The following EGLN1 variants were observed in gnomAD, a reference collection of about 807,000 sequenced individuals.
EGLN1 encodes egl-9 family hypoxia inducible factor 1.
A neutral mutation model predicts 38.3 loss-of-function variants in EGLN1; 17 were observed. The observed-to-expected ratio is 0.44, with a 90% CI of 0.30 to 0.67. The LOEUF is 0.67. Among genes scored for constraint, EGLN1 ranks in the 30% least tolerant of loss-of-function variants. EGLN1 has a pLI of 0.08. For synonymous variants in EGLN1, 283 were observed against 257.5 expected (o/e 1.10, Z -0.95); for missense variants, 477 against 603.3 (o/e 0.79, Z 2.19).
intron 1 of EGLN1, among the ~76,000 whole-genome samples, chr1:231,394,787 C>T (rs969280303): frequency 4.6e-5 from 7 of 152,102 alleles, no homozygotes; most frequent in Non-Finnish European, 8.8e-5. Flanking sequence ...TTTTCACCCC[C>T]AGATTTCTAA....
At chr1:231,411,220 T>C (rs2102936722) in intron 1 of EGLN1, among the ~76,000 whole-genome samples, 1 of 152,192 alleles carries the variant, frequency 6.6e-6, no homozygotes, top group South Asian at 2.1e-4. Flanking sequence ...TGATAGTGAG[T>C]TCTCATGAGA....
Position 231,421,723 on chromosome 1 carries a change from G to A in EGLN1, c.166C>T (p.Leu56Phe), listed in dbSNP as rs758090254. The A allele has an allele frequency of 6.5e-7, 1 of 1,531,956 alleles. No individual in the cohort carries two copies. The allele number at this position is 1,531,956 out of a possible 1,614,324, so 94.9% of individuals were successfully genotyped here. A position where few individuals can be genotyped will look rare whatever the true frequency, so the allele number is the denominator to read the frequency against. The change falls in exon 1 of 5, where the codon CTC becomes TTC. Residue 56 changes from leucine (L) to phenylalanine (F), a missense_variant. Leu to Phe is a conservative substitution (Grantham distance 22, BLOSUM62 0). Around this residue, in one of 4 missense-constraint regions of EGLN1, gnomAD observed 298 missense variants for 288.9 expected, o/e 1.03. Transcript: ENST00000366641. The surrounding 1 kb of genome is among the most constrained non-coding windows in gnomAD (Gnocchi z 5.5). ...GCGCCCTCGCTGCCCTGGCACACGA[G>A]CTTGTGCTTCTTCCAGTCCTGACGC... ...HQRQDWKKHK[L>F]VCQGSEGALG...
At chr1:231,395,453 GA>G (rs1194893522) in intron 1 of EGLN1, among the ~76,000 whole-genome samples, 1 of 152,170 alleles carries the variant, frequency 6.6e-6, no homozygotes. Flanking sequence ...CTAAAAACTG[GA>G]TGCCTGTTGG....
chr1:231,366,513 C>T lies in EGLN1; in HGVS notation c.1217-38G>A, dbSNP rs201749203. The T allele has an allele frequency of 1.6e-5, 25 of 1,592,488 alleles. No individual in the cohort carries two copies. The African/African-American group carries it at 2.7e-4, about 17-fold the overall frequency. On this transcript the variant is annotated intron_variant, in intron 4 of 4. Transcript: ENST00000366641. ...AAAAAAAAAAATTTTCATTCATTCA[C>T]TAAGCACCAGAGAGCTTCTGCTACT...
chr1:231,421,395 G>T lies in EGLN1; in HGVS notation c.494C>A (p.Pro165Gln), dbSNP rs780171999. The change falls in exon 1 of 5, where the codon CCA becomes CAA. Residue 165 changes from proline (P) to glutamine (Q), a missense_variant. Around this residue, in one of 4 missense-constraint regions of EGLN1, gnomAD observed 298 missense variants for 288.9 expected, o/e 1.03. Coordinates refer to ENST00000366641, the MANE Select transcript of EGLN1 (RefSeq NM_022051.3). This position sits in a 1 kb window ranked among gnomAD's most constrained non-coding sequence, Gnocchi z 5.5. ...CAGCGCATCCCCGGGCGTGTTGCTT[G>T]GGGGGTACAGGTTCGCCTTCTCCTG... Reference protein sequence around the residue: ...LFQEKANLYPPSNTPGDALSP... With the variant: ...LFQEKANLYPQSNTPGDALSP... 1.2e-6 allele frequency: 2 copies of T among 1,603,486 alleles called. No homozygotes were observed. Among genetic ancestry groups the T allele is most frequent in the African/African-American group, 1.3e-5 (1 of 74,570 alleles).
chr1:231,363,825 G>C lies in EGLN1; in HGVS notation c.*2586C>G, dbSNP rs1382053298. On this transcript the variant is annotated 3_prime_UTR_variant, in exon 5 of 5. Coordinates refer to ENST00000366641, the MANE Select transcript of EGLN1 (RefSeq NM_022051.3). ...AGCAACTTGAGAGCTCTTTCATAATGAAACACTGCTTTTCAAATTACATGA... is the reference window on the plus strand; with the variant it reads ...AGCAACTTGAGAGCTCTTTCATAATCAAACACTGCTTTTCAAATTACATGA... 6.6e-6 allele frequency: 1 copy of C among 152,142 alleles called. No homozygotes were observed. Among genetic ancestry groups the C allele is most frequent in the Non-Finnish European group, 1.5e-5 (1 of 68,018 alleles). The allele number at this position is 152,142 out of a possible 1,614,324, so 9.4% of individuals were successfully genotyped here.
At chr1:231,383,995 A>G in intron 1 of EGLN1, among the ~76,000 whole-genome samples, 1 of 152,140 alleles carries the variant, frequency 6.6e-6, no homozygotes, top group Middle Eastern at 3.2e-3. Flanking sequence ...TACAAACATC[A>G]CTCAATCTAC....
At chr1:231,419,043 C>T (rs1472322849) in intron 1 of EGLN1, among the ~76,000 whole-genome samples, 3 of 152,126 alleles carry the variant, frequency 2.0e-5, no homozygotes, top group Non-Finnish European at 4.4e-5. Context: ...TTACCAAAAC[C>T]TCTTTCAGCC....
rs137989090 is a variant in EGLN1 at position 231,384,594 on chromosome 1, G to A, written c.892-10495C>T. Among the ~76,000 whole-genome samples the A allele has an allele frequency of 4.5e-3, 684 of 152,308 alleles. 4 individuals carry two copies. The highest frequency in any genetic ancestry group is 0.044 in the Middle Eastern group (13 of 294). On this transcript the variant is annotated intron_variant, in intron 1 of 4. Coordinates refer to ENST00000366641, the MANE Select transcript of EGLN1 (RefSeq NM_022051.3). ...ATCTGAGGAAAAAGAGGGTCAGTGT[G>A]ACTGGAGAGGAGGGAGGAAAGCAGA...
chr1:231,411,902 G>C (rs1007744791), intron 1 of EGLN1, among the ~76,000 whole-genome samples: 2 of 151,434 alleles, frequency 1.3e-5, no homozygotes, highest in Non-Finnish European at 2.9e-5. Flanking sequence ...AGGAGGCTGA[G>C]GGAGGAGAAT....
In EGLN1 at chr1:231,383,012, C is replaced by T. The variant is rs1444543244; in HGVS notation, c.892-8913G>A. ...GGTGGAGGGTGCAGTGAGCCGACAT[C>T]GCACCACTGCATTCCAGCCTGGGCA... On this transcript the variant is annotated intron_variant, in intron 1 of 4. Coordinates refer to ENST00000366641, the MANE Select transcript of EGLN1 (RefSeq NM_022051.3). Among the ~76,000 whole-genome samples, 10 of 139,812 alleles carry T rather than the reference C, an allele frequency of 7.2e-5. No individual in the cohort carries two copies. In the East Asian group the frequency reaches 1.7e-3, roughly 24 times the overall value. The allele number at this position is 139,812 out of a possible 152,430, so 91.7% of individuals were successfully genotyped here.
At chr1:231,405,116 A>G (rs1688753296) in intron 1 of EGLN1, among the ~76,000 whole-genome samples, 1 of 152,182 alleles carries the variant, frequency 6.6e-6, no homozygotes, top group Non-Finnish European at 1.5e-5. Context: ...GGCAACTAAG[A>G]CCAAGTCCTA....
Position 231,389,575 on chromosome 1 carries a change from G to A in EGLN1, c.892-15476C>T, listed in dbSNP as rs575465189. Reference sequence around the variant, plus strand: ...AGATAAATATACCACATCTTATGTAGCACCTTCTAGTTTGTAAAACTGCTT... The same window carrying A: ...AGATAAATATACCACATCTTATGTAACACCTTCTAGTTTGTAAAACTGCTT... On this transcript the variant is annotated intron_variant, in intron 1 of 4. Transcript: ENST00000366641. 3.9e-5 allele frequency among the ~76,000 whole-genome samples: 6 copies of A among 152,282 alleles called. No homozygotes were observed. In the South Asian group the frequency reaches 1.2e-3, roughly 32 times the overall value.
chr1:231,369,352 T>C (rs1190689268), intron 3 of EGLN1, among the ~76,000 whole-genome samples: 1 of 152,194 alleles, frequency 6.6e-6, no homozygotes, highest in Non-Finnish European at 1.5e-5. Context: ...AAGTATCTGT[T>C]ATTTATTCAT....
intron 1 of EGLN1, among the ~76,000 whole-genome samples, chr1:231,396,633 C>A (rs1441433835): frequency 1.3e-5 from 2 of 152,174 alleles, no homozygotes; most frequent in Admixed American, 6.5e-5. Flanking sequence ...CTCATGCCCA[C>A]CCCAGTAAGT....
intron 1 of EGLN1, among the ~76,000 whole-genome samples, chr1:231,408,056 C>T (rs1203667248): frequency 6.6e-6 from 1 of 152,150 alleles, no homozygotes; most frequent in Non-Finnish European, 1.5e-5. Context: ...AATAAAAGTC[C>T]TCTGCCGAAG....
At chr1:231,388,519 C>A (rs1688283270) in intron 1 of EGLN1, among the ~76,000 whole-genome samples, 1 of 151,378 alleles carries the variant, frequency 6.6e-6, no homozygotes, top group Admixed American at 6.6e-5. Flanking sequence ...GTCGCCCAGG[C>A]TGGAGGGCAG....
intron 1 of EGLN1, among the ~76,000 whole-genome samples, chr1:231,374,618 G>T (rs1687911929): frequency 6.6e-6 from 1 of 151,804 alleles, no homozygotes; most frequent in South Asian, 2.1e-4. Context: ...CCTGGGCTCA[G>T]GTGATTCTCC....
rs1295747929 is a variant in EGLN1, at chr1:231,364,020, A to G, written c.*2391T>C. 2 of 152,232 alleles carry G rather than the reference A, an allele frequency of 1.3e-5. No homozygotes were observed. The highest frequency in any genetic ancestry group is 1.9e-4 in the East Asian group (1 of 5,204). 9.4% of individuals were successfully genotyped at this position (152,232 alleles called of 1,614,324 possible). A position where few individuals can be genotyped will look rare whatever the true frequency, so the allele number is the denominator to read the frequency against. ...AACAGTTTTAAATTTTGTTTGAAAT[A>G]GAGTCCTGCTTGGTGACAAGTTAAT... On this transcript the variant is annotated 3_prime_UTR_variant, in exon 5 of 5. Transcript: ENST00000366641.
Sources: allele counts gnomAD v4.1 joint callset (sites outside exome capture counted in the v4.1 genomes callset), GRCh38; gene constraint gnomAD v4.1.1; regional missense constraint gnomAD v4.1.1; non-coding constraint Gnocchi (gnomAD v3.1); transcripts MANE v1.5; gene names NCBI Gene and HGNC (gene_info 2026-07-23, HGNC 2026-07-21).